SART3: variants seen among roughly 807,000 people sequenced by gnomAD.
SART3 encodes the protein spliceosome associated factor 3, U4/U6 recycling protein.
In SART3, 44 loss-of-function variants were observed where a neutral mutation model predicts 122.3. That is an observed-to-expected ratio of 0.36 (90% CI 0.28 to 0.46). The LOEUF (loss-of-function observed/expected upper bound fraction) is 0.46, where lower values mean the gene tolerates loss of function less well. Among genes scored for constraint, SART3 ranks in the 20% least tolerant of loss-of-function variants. The probability of loss-of-function intolerance (pLI) is 1.00; values close to 1 mark genes in which losing one functional copy is unlikely to be tolerated. For missense variants in SART3, 1,101 were observed against 1,229.0 expected, an observed-to-expected ratio of 0.90 and a Z score of 1.56; for synonymous variants, 442 against 454.0, an observed-to-expected ratio of 0.97 and a Z score of 0.34.
chr12:108,523,668 G>T, intron 18 of SART3, 34 bp from the exon 19 acceptor site: 1 of 1,590,942 alleles, frequency 6.3e-7, no homozygotes, highest in Non-Finnish European at 8.6e-7. Flanking sequence ...ACCTTTTGAA[G>T]CAACAATTCG....
chr12:108,526,742 T>A (rs1872404689), intron 15 of SART3, among the ~76,000 whole-genome samples, 189 bp from the exon 16 acceptor site: 1 of 149,164 alleles, frequency 6.7e-6, no homozygotes, highest in Admixed American at 7.2e-5. Context: ...CGACTTTCTG[T>A]GCCCCAATTA....
intron 3 of SART3, among the ~76,000 whole-genome samples, chr12:108,546,263 G>T (rs1443348293): frequency 1.3e-5 from 2 of 152,094 alleles, no homozygotes; most frequent in Non-Finnish European, 2.9e-5. Context: ...GCAGAGGCAT[G>T]ATCACGGCTC....
intron 15 of SART3, among the ~76,000 whole-genome samples, 187 bp downstream of exon 15, chr12:108,529,955 C>T (rs1250451577): frequency 6.6e-6 from 1 of 152,184 alleles, no homozygotes; most frequent in Non-Finnish European, 1.5e-5. Context: ...CTAACCCCGG[C>T]TCTGATGGCT....
intron 16 of SART3, 105 bp downstream of exon 16, chr12:108,525,992 CAG>C (rs1295213929): frequency 5.1e-5 from 49 of 965,266 alleles, no homozygotes. Context: ...TAGATCCAAA[CAG>C]AGCGTAAAAC....
intron 15 of SART3, among the ~76,000 whole-genome samples, chr12:108,527,971 G>A (rs1872468987): frequency 6.6e-6 from 1 of 151,900 alleles, no homozygotes; most frequent in Non-Finnish European, 1.5e-5. Flanking sequence ...TCACCATGTT[G>A]GCCAGGTTGA....
chr12:108,537,242 G>A, intron 9 of SART3: 3 of 500,188 alleles, frequency 6.0e-6, no homozygotes, highest in East Asian at 7.4e-5. Flanking sequence ...AGACCTGAAA[G>A]GAGAAATGAG....
At chr12:108,530,346 G>A (rs1872618419) in intron 14 of SART3, 36 bp from the exon 15 acceptor site, 1 of 1,608,678 alleles carries the variant, frequency 6.2e-7, no homozygotes, top group Admixed American at 1.7e-5. Flanking sequence ...CGCTGGATGT[G>A]GCAATTACAT....
At chr12:108,545,668 G>A (rs1255093852) in intron 3 of SART3, among the ~76,000 whole-genome samples, 1 of 152,142 alleles carries the variant, frequency 6.6e-6, no homozygotes, top group Non-Finnish European at 1.5e-5. Flanking sequence ...TACAGGTATA[G>A]TTTTTAAAAA....
At chr12:108,524,528 A>C (rs1466154364) in intron 17 of SART3, 22 bp from the exon 18 acceptor site, 3 of 1,612,818 alleles carry the variant, frequency 1.9e-6, no homozygotes, top group Non-Finnish European at 1.7e-6. Flanking sequence ...AAGATCCAGA[A>C]CCAAGTCAGA....
At chr12:108,545,038 G>T in intron 4 of SART3, 101 bp downstream of exon 4, 2 of 1,207,616 alleles carry the variant, frequency 1.7e-6, no homozygotes, top group Non-Finnish European at 2.5e-6. Context: ...TTAACTATAT[G>T]AACTGCAAGA....
At chr12:108,535,284 T>C (rs1233063469) in intron 12 of SART3, 75 bp downstream of exon 12, 5 of 1,157,100 alleles carry the variant, frequency 4.3e-6, no homozygotes, top group East Asian at 2.3e-5. Flanking sequence ...TCCAAGCTGG[T>C]AGGAGTCAGC....
chr12:108,535,451 G>A lies in SART3; in HGVS notation c.1464C>T (p.Asn488=). The A allele has an allele frequency of 6.2e-7, 1 of 1,614,076 alleles. No individual in the cohort carries two copies. The highest frequency in any genetic ancestry group is 8.5e-7 in the Non-Finnish European group (1 of 1,179,968). The part of the protein sequence containing the change: ...WARIEARLCN[N]MQKARELWDS... ...CCCAGAGTTCCCGAGCTTTCTGCAT[G>A]TTATTGCACAGTCGAGCCTAAAGTG... is the stretch of plus-strand genomic sequence containing the variant. Residue 488 remains asparagine (N), a synonymous_variant, in exon 12 of 19, where the codon AAC becomes AAT. Coordinates refer to ENST00000546815, the MANE Select transcript of SART3 (RefSeq NM_014706.4).
intron 6 of SART3, among the ~76,000 whole-genome samples, chr12:108,541,875 C>T (rs1201805079): frequency 6.6e-6 from 1 of 151,874 alleles, no homozygotes; most frequent in Non-Finnish European, 1.5e-5. Flanking sequence ...TGCTTTGTCA[C>T]TTAGGTGACA....
At chr12:108,553,842 AATT>A (rs1309206766) in intron 1 of SART3, among the ~76,000 whole-genome samples, 1 of 152,200 alleles carries the variant, frequency 6.6e-6, no homozygotes, top group African/African-American at 2.4e-5. Flanking sequence ...TTTCTCTACT[AATT>A]ATAATAGTAA....
intron 5 of SART3, 106 bp from the exon 6 acceptor site, chr12:108,543,258 G>A (rs1344275208): frequency 2.0e-5 from 26 of 1,330,204 alleles, no homozygotes. Flanking sequence ...TCCCACATCT[G>A]TGGCATGGCA....
chr12:108,525,171 G>A (rs536295059), intron 17 of SART3, among the ~76,000 whole-genome samples: 1 of 152,324 alleles, frequency 6.6e-6, no homozygotes, highest in Admixed American at 6.5e-5. Flanking sequence ...GTATGCTGCT[G>A]GTCACAGGGC....
chr12:108,532,405 T>A (rs1431695805), intron 12 of SART3, 71 bp from the exon 13 acceptor site: 3 of 1,255,702 alleles, frequency 2.4e-6, no homozygotes, highest in Non-Finnish European at 3.4e-6. Context: ...AGAGGCCGTC[T>A]TCTCCCAGGT....
intron 17 of SART3, among the ~76,000 whole-genome samples, chr12:108,525,227 G>C (rs775283220): frequency 6.6e-6 from 1 of 152,262 alleles, no homozygotes; most frequent in Non-Finnish European, 1.5e-5. Flanking sequence ...GTGAATTCAT[G>C]ATCCTCTATT....
intron 18 of SART3, 119 bp from the exon 19 acceptor site, chr12:108,523,753 AAG>A: frequency 1.1e-6 from 1 of 950,516 alleles, no homozygotes; most frequent in South Asian, 1.4e-5. Context: ...GAAAAAAAAA[AAG>A]GATAAGATAA....
Sources: gnomAD v4.1 joint callset for allele counts (sites outside exome capture counted in the v4.1 genomes callset) on GRCh38, gnomAD v4.1.1 for gene constraint, MANE v1.5 for transcripts, NCBI Gene and HGNC (gene_info 2026-07-23, HGNC 2026-07-21) for gene names.